PRKRIP1: variants seen among roughly 807,000 people sequenced by gnomAD.
PRKRIP1 encodes PRKR-interacting protein 1.
PRKRIP1 carries 29 observed loss-of-function variants against 29.3 expected under a neutral mutation model. The ratio of observed to expected loss-of-function variants is 0.99; its 90% CI spans 0.74 to 1.35. The LOEUF (loss-of-function observed/expected upper bound fraction) is 1.35. Ranked by LOEUF, PRKRIP1 falls within the 40% of genes most tolerant of loss-of-function variation. The pLI is 0.00. For missense variants in PRKRIP1, 247 were observed against 236.8 expected (o/e 1.04, Z -0.28); for synonymous variants, 90 against 85.1 (o/e 1.06, Z -0.32).
intron 5 of PRKRIP1, among the ~76,000 whole-genome samples, chr7:102,416,554 T>C (rs977426561): frequency 6.6e-6 from 1 of 152,124 alleles, no homozygotes; most frequent in South Asian, 2.1e-4. Flanking sequence ...TCAGTTGGGA[T>C]TGGTCTGATT....
chr7:102,397,598 C>G (rs781795581), intron 1 of PRKRIP1, 22 bp from the exon 2 acceptor site: 1 of 1,599,394 alleles, frequency 6.3e-7, no homozygotes, highest in South Asian at 1.1e-5. Flanking sequence ...TACTTAAATG[C>G]TTTCATGTTT....
intron 2 of PRKRIP1, among the ~76,000 whole-genome samples, chr7:102,397,927 G>A (rs1364793210): frequency 6.6e-6 from 1 of 151,942 alleles, no homozygotes; most frequent in Non-Finnish European, 1.5e-5. Flanking sequence ...GGCACCTGTA[G>A]TCCCAGCTAC....
chr7:102,414,658 C>T (rs1411819291), intron 5 of PRKRIP1, among the ~76,000 whole-genome samples: 3 of 152,068 alleles, frequency 2.0e-5, no homozygotes, highest in East Asian at 3.9e-4. Context: ...CCAAGGCAGG[C>T]GAATTCCTTG....
In PRKRIP1 at chr7:102,425,492, G is replaced by C. The variant is rs1554574340; in HGVS notation, c.*381G>C. The C allele has an allele frequency of 9.9e-6, 3 of 303,248 alleles. No individual in the cohort carries two copies. Among genetic ancestry groups the C allele is most frequent in the Non-Finnish European group, 1.9e-5 (3 of 157,974 alleles). 18.8% of individuals were successfully genotyped at this position (303,248 alleles called of 1,614,324 possible). A position where few individuals can be genotyped will look rare whatever the true frequency, so the allele number is the denominator to read the frequency against. On this transcript the variant is annotated 3_prime_UTR_variant, in exon 6 of 6. Coordinates refer to ENST00000397912, the MANE Select transcript of PRKRIP1 (RefSeq NM_024653.4). The stretch of plus-strand genomic sequence containing the variant: ...TGGACCGTGAGTCGCAAACACTCTG[G>C]AGAAGGCTGAGATGCCACCATTCCC...
At chr7:102,402,550 G>T (rs1198055613) in intron 3 of PRKRIP1, among the ~76,000 whole-genome samples, 1 of 152,068 alleles carries the variant, frequency 6.6e-6, no homozygotes, top group Non-Finnish European at 1.5e-5. Flanking sequence ...CATAGAGTAG[G>T]TTGCTGTCTC....
chr7:102,423,350 G>A (rs1042583866), intron 5 of PRKRIP1: 4 of 368,798 alleles, frequency 1.1e-5, no homozygotes, highest in South Asian at 3.9e-5. Flanking sequence ...TCCTGACCTC[G>A]TGATCCATCC....
chr7:102,417,852 C>T (rs1341027288), intron 5 of PRKRIP1, among the ~76,000 whole-genome samples: 2 of 151,784 alleles, frequency 1.3e-5, no homozygotes, highest in African/African-American at 4.8e-5. Flanking sequence ...AACTCCTGGG[C>T]TCAAGCAGTC....
rs147033738 is a variant in PRKRIP1 at position 102,418,154 on chromosome 7, A to G, written c.458-6860A>G. Among the ~76,000 whole-genome samples, 1,491 of 150,978 alleles carry G rather than the reference A, an allele frequency of 9.9e-3. 19 individuals are homozygous for G. Among genetic ancestry groups the G allele is most frequent in the Admixed American group, 0.013 (198 of 15,128 alleles). ...AACCTCCGCCTCCCGGGTTCAAGCAATTCTCCTGCCTCAGCCTCCTGAGTA... is the reference window on the plus strand; with the variant it reads ...AACCTCCGCCTCCCGGGTTCAAGCAGTTCTCCTGCCTCAGCCTCCTGAGTA... On this transcript the variant is annotated intron_variant, in intron 5 of 5. Transcript: ENST00000397912.
chr7:102,398,433 T>A (rs1472771911), intron 2 of PRKRIP1, among the ~76,000 whole-genome samples: 1 of 151,938 alleles, frequency 6.6e-6, no homozygotes, highest in Admixed American at 6.6e-5. Flanking sequence ...TACAGGCCCG[T>A]GCCACCATGC....
intron 5 of PRKRIP1, 35 bp from the exon 6 acceptor site, chr7:102,424,979 T>G (rs1554574243): frequency 6.2e-7 from 1 of 1,600,004 alleles, no homozygotes. Context: ...TGAACGATTT[T>G]GCATGTCTGT....
intron 5 of PRKRIP1, among the ~76,000 whole-genome samples, chr7:102,418,334 G>A (rs930161712): frequency 5.3e-5 from 8 of 152,198 alleles, no homozygotes; most frequent in Admixed American, 4.6e-4. Flanking sequence ...ATAGGCGTGA[G>A]CCACCATGCC....
At chr7:102,406,771 T>C (rs190995190) in intron 4 of PRKRIP1, among the ~76,000 whole-genome samples, 1 of 152,074 alleles carries the variant, frequency 6.6e-6, no homozygotes, top group Non-Finnish European at 1.5e-5. Flanking sequence ...TCCACTGCTT[T>C]ACGACCCATT....
In PRKRIP1 at chr7:102,399,679, C is replaced by T. The variant is rs1331933351; in HGVS notation, c.306+31C>T. ...TGAGCCAGAAGGCTGGCTGAGCCCC[C>T]ATGTTTGGGCAGTGTGCGTGTACTT... On this transcript the variant is annotated intron_variant, in intron 3 of 5. Coordinates refer to ENST00000397912, the MANE Select transcript of PRKRIP1 (RefSeq NM_024653.4). 4 of 1,524,402 alleles carry T rather than the reference C, an allele frequency of 2.6e-6. No homozygotes were observed. The African/African-American group carries it at 4.1e-5, about 16-fold the overall frequency. The allele number at this position is 1,524,402 out of a possible 1,614,324, so 94.4% of individuals were successfully genotyped here. A position where few individuals can be genotyped will look rare whatever the true frequency, so the allele number is the denominator to read the frequency against.
chr7:102,425,308 A>C lies in PRKRIP1; in HGVS notation c.*197A>C. The C allele has an allele frequency of 9.0e-7, 1 of 1,110,768 alleles. No homozygotes were observed. The highest frequency in any genetic ancestry group is 1.3e-6 in the Non-Finnish European group (1 of 789,282). The allele number at this position is 1,110,768 out of a possible 1,614,324, so 68.8% of individuals were successfully genotyped here. On this transcript the variant is annotated 3_prime_UTR_variant, in exon 6 of 6. Coordinates refer to ENST00000397912, the MANE Select transcript of PRKRIP1 (RefSeq NM_024653.4). The stretch of plus-strand genomic sequence containing the variant: ...GAGGGGCCATCTCCCTGACACTCAG[A>C]GGCACTGCCTTGCAGACACCATCCG...
chr7:102,397,687 G>A lies in PRKRIP1; in HGVS notation c.194G>A (p.Arg65Gln), dbSNP rs1554570593. Residue 65 changes from arginine (R) to glutamine (Q), a missense_variant, in exon 2 of 6, where the codon CGA becomes CAA. By Grantham distance (43) the Arg-to-Gln change is conservative (BLOSUM62 1). Transcript: ENST00000397912. ...WAPRPPPEFV[R>Q]DVMGSSAGAG... ...CCTCGACCTCCCCCAGAATTTGTCCGAGATGTCATGGGTAATGGCTGTGTG... is the reference window on the plus strand; with the variant it reads ...CCTCGACCTCCCCCAGAATTTGTCCAAGATGTCATGGGTAATGGCTGTGTG... 2.5e-6 allele frequency: 4 copies of A among 1,612,510 alleles called. No homozygotes were observed. The highest frequency in any genetic ancestry group is 3.4e-6 in the Non-Finnish European group (4 of 1,179,500).
chr7:102,407,088 C>T (rs1796248783), intron 4 of PRKRIP1, among the ~76,000 whole-genome samples: 1 of 151,808 alleles, frequency 6.6e-6, no homozygotes, highest in African/African-American at 2.4e-5. Flanking sequence ...GTGGCGGGTG[C>T]CTGTAGTCCC....
chr7:102,424,983 T>C lies in PRKRIP1; in HGVS notation c.458-31T>C, dbSNP rs887190447. The C allele has an allele frequency of 8.7e-6, 14 of 1,601,776 alleles. No individual in the cohort carries two copies. The African/African-American group carries it at 1.1e-4, about 12-fold the overall frequency. On this transcript the variant is annotated intron_variant, in intron 5 of 5. Coordinates refer to ENST00000397912, the MANE Select transcript of PRKRIP1 (RefSeq NM_024653.4). ...ACCCTTGACCCTGAACGATTTTGCATGTCTGTAATTTGAATGTCGTGTGGT... is the reference window on the plus strand; with the variant it reads ...ACCCTTGACCCTGAACGATTTTGCACGTCTGTAATTTGAATGTCGTGTGGT...
intron 3 of PRKRIP1, among the ~76,000 whole-genome samples, chr7:102,403,728 T>C (rs1420911543): frequency 1.3e-5 from 2 of 152,242 alleles, no homozygotes; most frequent in Non-Finnish European, 2.9e-5. Context: ...ATTACAATTT[T>C]CCCCATTTTA....
At chr7:102,419,885 GTGTGTGTGTGTT>G (rs1207218826) in intron 5 of PRKRIP1, among the ~76,000 whole-genome samples, 21 of 129,646 alleles carry the variant, frequency 1.6e-4, no homozygotes, top group East Asian at 7.0e-4. Context: ...GTGTGTGTGT[GTGTGTGTGTGTT>G]TTTGAGATGG....
Sources: gnomAD v4.1 joint callset for allele counts (sites outside exome capture counted in the v4.1 genomes callset) on GRCh38, gnomAD v4.1.1 for gene constraint, MANE v1.5 for transcripts, NCBI Gene and HGNC (gene_info 2026-07-23, HGNC 2026-07-21) for gene names.